Variants in CERS6 observed in about 807,000 individuals in gnomAD.
CERS6 encodes the protein ceramide synthase 6, also known as LAG1 homolog, ceramide synthase 6.
Under a neutral mutation model 56.8 loss-of-function variants are expected in CERS6, and 26 were observed. The ratio of observed to expected loss-of-function variants is 0.46; its 90% CI spans 0.34 to 0.63. The LOEUF (loss-of-function observed/expected upper bound fraction) is 0.63. Among genes scored for constraint, CERS6 ranks in the 30% least tolerant of loss-of-function variants. The probability of loss-of-function intolerance (pLI) is 0.01; values close to 1 mark genes in which losing one functional copy is unlikely to be tolerated. For missense variants in CERS6, 415 were observed against 467.5 expected, an observed-to-expected ratio of 0.89 and a Z score of 1.04; for synonymous variants, 164 against 173.3, an observed-to-expected ratio of 0.95 and a Z score of 0.42.
At chr2:168,725,513 AG>A (rs1683325441) in intron 8 of CERS6, among the ~76,000 whole-genome samples, 1 of 152,272 alleles carries the variant, frequency 6.6e-6, no homozygotes, top group Non-Finnish European at 1.5e-5. Flanking sequence ...TGACATCTGT[AG>A]AATCAGATAG....
At chr2:168,629,415 G>A (rs1684661646) in intron 3 of CERS6, among the ~76,000 whole-genome samples, 1 of 152,156 alleles carries the variant, frequency 6.6e-6, no homozygotes, top group Non-Finnish European at 1.5e-5. Flanking sequence ...CTAGAGAGAA[G>A]TAGAGATAAT....
chr2:168,467,642 C>T (rs1201581813), intron 1 of CERS6, among the ~76,000 whole-genome samples: 1 of 152,168 alleles, frequency 6.6e-6, no homozygotes, highest in African/African-American at 2.4e-5. Flanking sequence ...TAATAGACAA[C>T]ATATTCTCTC....
intron 3 of CERS6, among the ~76,000 whole-genome samples, chr2:168,627,456 A>G (rs1684615394): frequency 1.3e-5 from 2 of 152,278 alleles, no homozygotes; most frequent in South Asian, 4.1e-4. Context: ...TCCTCTGCAA[A>G]TGAGAGGAAG....
At chr2:168,600,451 G>A (rs111805768) in intron 3 of CERS6, among the ~76,000 whole-genome samples, 1,716 of 152,154 alleles carry the variant, frequency 0.011, 34 homozygotes, top group African/African-American at 0.039. Flanking sequence ...TGATCTGCCC[G>A]CCTCGCCCTC....
intron 8 of CERS6, among the ~76,000 whole-genome samples, chr2:168,731,336 A>G (rs1306748525): frequency 1.3e-5 from 2 of 152,054 alleles, no homozygotes; most frequent in Non-Finnish European, 2.9e-5. Context: ...GTGAACCATC[A>G]AATAATAGTA....
intron 3 of CERS6, among the ~76,000 whole-genome samples, chr2:168,567,367 A>T (rs1055206130): frequency 6.6e-6 from 1 of 152,220 alleles, no homozygotes; most frequent in Non-Finnish European, 1.5e-5. Context: ...CTTTTCCTAT[A>T]AATGGCCATG....
intron 4 of CERS6, among the ~76,000 whole-genome samples, chr2:168,653,560 T>TA (rs1685396769): frequency 1.3e-5 from 2 of 152,362 alleles, no homozygotes; most frequent in South Asian, 4.1e-4. Context: ...TTAATTATCT[T>TA]AGATATGTGT....
intron 3 of CERS6, among the ~76,000 whole-genome samples, chr2:168,590,669 A>G (rs896645669): frequency 4.6e-5 from 7 of 152,180 alleles, no homozygotes; most frequent in South Asian, 2.1e-4. Context: ...TACGTATACA[A>G]TTTTGTCTCC....
intron 1 of CERS6, among the ~76,000 whole-genome samples, chr2:168,526,700 A>G (rs970959330): frequency 6.6e-6 from 1 of 152,222 alleles, no homozygotes; most frequent in East Asian, 1.9e-4. Flanking sequence ...CTTTTTATAC[A>G]ATGAGGCTTC....
intron 1 of CERS6, among the ~76,000 whole-genome samples, chr2:168,530,736 T>G (rs1337937560): frequency 6.6e-6 from 1 of 152,258 alleles, no homozygotes; most frequent in African/African-American, 2.4e-5. Flanking sequence ...TTTTGACATT[T>G]CTCACATTAC....
intron 1 of CERS6, 142 bp from the exon 2 acceptor site, chr2:168,547,454 A>C: frequency 1.7e-6 from 1 of 573,928 alleles, no homozygotes; most frequent in South Asian, 2.1e-5. Context: ...ACAGTTACTG[A>C]CAGGAGTGTT....
At chr2:168,477,591 A>C (rs945062313) in intron 1 of CERS6, among the ~76,000 whole-genome samples, 1 of 152,184 alleles carries the variant, frequency 6.6e-6, no homozygotes, top group Non-Finnish European at 1.5e-5. Flanking sequence ...ATCATATGCT[A>C]TTAAAAGCAA....
chr2:168,687,871 T>A (rs1251095248), intron 4 of CERS6, among the ~76,000 whole-genome samples: 3 of 152,036 alleles, frequency 2.0e-5, no homozygotes, highest in African/African-American at 7.2e-5. Context: ...GCCTAGCTAG[T>A]TTTCATATTA....
chr2:168,630,359 C>T (rs538737431), intron 3 of CERS6, among the ~76,000 whole-genome samples: 18 of 151,862 alleles, frequency 1.2e-4, no homozygotes, highest in African/African-American at 4.3e-4. Context: ...AGACTTAAAA[C>T]ATTTCCATCA....
At chr2:168,645,122 T>TATATATATATATAAAA in intron 4 of CERS6, among the ~76,000 whole-genome samples, 1 of 24,022 alleles carries the variant, frequency 4.2e-5, no homozygotes, top group Non-Finnish European at 7.4e-5. Context: ...AAAAAATATA[T>TATATATATATATAAAA]ATATATATAT....
At chr2:168,676,588 G>T (rs544348480) in intron 4 of CERS6, among the ~76,000 whole-genome samples, 1 of 152,240 alleles carries the variant, frequency 6.6e-6, no homozygotes, top group Non-Finnish European at 1.5e-5. Flanking sequence ...TGATTTTCTT[G>T]AAGTGAAAGA....
In CERS6 at chr2:168,764,982, A is replaced by G. The variant is rs533786498; in HGVS notation, c.846-610A>G. 4.6e-5 allele frequency among the ~76,000 whole-genome samples: 7 copies of G among 152,358 alleles called. No homozygotes were observed. The East Asian group carries it at 5.8e-4, about 13-fold the overall frequency. ...TAGAAGCAACCCAAGTTCCCTTTCAATGGATGAATGGATAAAATATGACTT... is the reference window on the plus strand; with the variant it reads ...TAGAAGCAACCCAAGTTCCCTTTCAGTGGATGAATGGATAAAATATGACTT... On this transcript the variant is annotated intron_variant, in intron 8 of 9. Transcript: ENST00000305747.
At chr2:168,605,942 G>A (rs545107200) in intron 3 of CERS6, among the ~76,000 whole-genome samples, 1 of 152,234 alleles carries the variant, frequency 6.6e-6, no homozygotes, top group Non-Finnish European at 1.5e-5. Flanking sequence ...GAGGGGAAAT[G>A]TGGGGTTAGA....
At chr2:168,503,596 T>C (rs1445379193) in intron 1 of CERS6, among the ~76,000 whole-genome samples, 1 of 152,166 alleles carries the variant, frequency 6.6e-6, no homozygotes, top group African/African-American at 2.4e-5. Context: ...CAGGTGGCAG[T>C]TCTTGAGCTA....
Sources: gnomAD v4.1 joint callset for allele counts (sites outside exome capture counted in the v4.1 genomes callset) on GRCh38, gnomAD v4.1.1 for gene constraint, MANE v1.5 for transcripts, NCBI Gene and HGNC (gene_info 2026-07-23, HGNC 2026-07-21) for gene names.